Variants in RPAP2 observed in about 807,000 individuals in gnomAD.
RPAP2 encodes the protein RNA polymerase II associated protein 2, also known as putative RNA polymerase II subunit B1 CTD phosphatase RPAP2.
RPAP2 carries 52 observed loss-of-function variants against 73.1 expected under a neutral mutation model. That is an observed-to-expected ratio of 0.71 (90% CI 0.57 to 0.90). The LOEUF (loss-of-function observed/expected upper bound fraction) is 0.90. Ranked by LOEUF, RPAP2 falls within the 40% of genes least tolerant of loss-of-function variation. RPAP2 has a pLI of 0.00. For missense variants in RPAP2, 598 were observed against 701.8 expected, an observed-to-expected ratio of 0.85 and a Z score of 1.67; for synonymous variants, 225 against 242.1, an observed-to-expected ratio of 0.93 and a Z score of 0.65.
At position 92,323,800 on chromosome 1, in the gene RPAP2, A is replaced by G. The variant is rs1652457415; in HGVS notation, c.880A>G (p.Lys294Glu). ...TGCTACATGTGAACTTCCTTTACAG[A>G]AAGTAAATACTCAGAGTTCTTCAAA... ...KDATCELPLQ[K>E]VNTQSSSNST... The change falls in exon 8 of 13, where the codon AAA (lysine) becomes GAA (glutamate). Residue 294 changes from lysine (K) to glutamate (E), a missense_variant. Lys to Glu is a moderately conservative substitution (Grantham distance 56). Around this residue, in one of 3 missense-constraint regions of RPAP2, gnomAD observed 506 missense variants for 612.8 expected, o/e 0.83. Coordinates refer to ENST00000610020, the MANE Select transcript of RPAP2 (RefSeq NM_024813.3). 1 of 1,614,080 alleles carries G rather than the reference A, an allele frequency of 6.2e-7. No individual in the cohort carries two copies. The highest frequency in any genetic ancestry group is 2.2e-5 in the East Asian group (1 of 44,878).
At position 92,324,039 on chromosome 1, in the gene RPAP2, TTTGA is replaced by T. The variant is rs1181222817; in HGVS notation, c.1124_1127del (p.Ile375SerfsTer8). 23 of 1,613,852 alleles carry T rather than the reference TTTGA, an allele frequency of 1.4e-5. No homozygotes were observed. Among genetic ancestry groups the T allele is most frequent in the African/African-American group, 2.7e-5 (2 of 74,860 alleles). ...ACTTACTTAAAGTTTTGAAGGAGAC[TTTGA>T]TTGAGTGGAAGACAGAAGAAACATT... On this transcript the variant is annotated frameshift_variant, in exon 8 of 13. Transcript: ENST00000610020. LOFTEE classifies it high-confidence loss of function.
intron 11 of RPAP2, among the ~76,000 whole-genome samples, chr1:92,377,561 T>C (rs1655439334): frequency 6.7e-6 from 1 of 149,418 alleles, no homozygotes; most frequent in Non-Finnish European, 1.5e-5. Context: ...GTGTACATAG[T>C]TCCTCTAGGG....
chr1:92,336,195 T>TAAAAA, intron 9 of RPAP2, 152 bp from the exon 10 acceptor site: 1 of 613,942 alleles, frequency 1.6e-6, no homozygotes. Flanking sequence ...CCTTATGAGT[T>TAAAAA]CTCACCAATC....
chr1:92,366,435 C>T (rs948069095), intron 11 of RPAP2, among the ~76,000 whole-genome samples: 10 of 152,136 alleles, frequency 6.6e-5, no homozygotes, highest in Admixed American at 5.9e-4. Context: ...AAGTAGTTAC[C>T]TATGCATGTG....
chr1:92,364,811 A>G (rs1415641080), intron 11 of RPAP2, among the ~76,000 whole-genome samples: 1 of 152,086 alleles, frequency 6.6e-6, no homozygotes, highest in Non-Finnish European at 1.5e-5. Context: ...TCTTCATTCA[A>G]CTAGTCCATC....
chr1:92,376,526 CTATT>C (rs1290581578), intron 11 of RPAP2, among the ~76,000 whole-genome samples: 1 of 152,158 alleles, frequency 6.6e-6, no homozygotes, highest in Non-Finnish European at 1.5e-5. Flanking sequence ...GGATTGCTAT[CTATT>C]TGTTTGATGA....
chr1:92,400,467 G>GT lies in RPAP2; in HGVS notation c.*13457dup, dbSNP rs1017521498. ...CCAGAGTATCTGGGACTATAGGCAC[G>GT]TACCACCATACCCAGCTAATATTTT... is the stretch of plus-strand genomic sequence containing the variant. On this transcript the variant is annotated 3_prime_UTR_variant, in exon 13 of 13. Coordinates refer to ENST00000610020, the MANE Select transcript of RPAP2 (RefSeq NM_024813.3). 2.0e-5 allele frequency: 3 copies of GT among 152,074 alleles called. No homozygotes were observed. Among genetic ancestry groups the GT allele is most frequent in the African/African-American group, 7.3e-5 (3 of 41,352 alleles). 9.4% of individuals were successfully genotyped at this position (152,074 alleles called of 1,614,324 possible).
intron 12 of RPAP2, 103 bp downstream of exon 12, chr1:92,380,976 C>T: frequency 3.2e-6 from 3 of 929,844 alleles, no homozygotes; most frequent in Non-Finnish European, 4.7e-6. Context: ...GTACAGACCT[C>T]AAGATGCCCT....
chr1:92,378,371 ATTTATTT>A (rs1400764932), intron 11 of RPAP2, among the ~76,000 whole-genome samples: 2 of 152,114 alleles, frequency 1.3e-5, no homozygotes, highest in East Asian at 1.9e-4. Flanking sequence ...CACCAGGCTA[ATTTATTT>A]TTTATTTTTT....
chr1:92,373,404 T>C (rs1655234278), intron 11 of RPAP2, among the ~76,000 whole-genome samples: 2 of 152,242 alleles, frequency 1.3e-5, no homozygotes, highest in South Asian at 2.1e-4. Flanking sequence ...CTGGAAACTT[T>C]TATGAGATAG....
At chr1:92,321,831 C>A (rs1652283562) in intron 7 of RPAP2, among the ~76,000 whole-genome samples, 1 of 151,778 alleles carries the variant, frequency 6.6e-6, no homozygotes, top group South Asian at 2.1e-4. Context: ...CAACAATCAA[C>A]CAGAATTAGA....
chr1:92,300,168 A>G, intron 1 of RPAP2, 26 bp from the exon 2 acceptor site: 6 of 1,552,082 alleles, frequency 3.9e-6, no homozygotes, highest in Non-Finnish European at 5.3e-6. Context: ...GTCATTATGT[A>G]GCACATGACT....
At chr1:92,356,756 A>G (rs1377416912) in intron 11 of RPAP2, among the ~76,000 whole-genome samples, 1 of 151,184 alleles carries the variant, frequency 6.6e-6, no homozygotes, top group Non-Finnish European at 1.5e-5. Flanking sequence ...TTTATTCTCT[A>G]CTTTTTTTGT....
chr1:92,377,338 A>G (rs1655421464), intron 11 of RPAP2, among the ~76,000 whole-genome samples: 2 of 151,822 alleles, frequency 1.3e-5, no homozygotes, highest in Non-Finnish European at 2.9e-5. Context: ...GGCCAACATG[A>G]TGAAACCACT....
intron 10 of RPAP2, among the ~76,000 whole-genome samples, 177 bp downstream of exon 10, chr1:92,336,604 C>G (rs1034073894): frequency 6.6e-6 from 1 of 152,112 alleles, no homozygotes; most frequent in Non-Finnish European, 1.5e-5. Flanking sequence ...TTGAATGCAA[C>G]CTTTATTTGC....
At position 92,333,465 on chromosome 1, in the gene RPAP2, G is replaced by A; in HGVS notation, c.1530G>A (p.Leu510=). The A allele has an allele frequency of 6.2e-7, 1 of 1,611,076 alleles. No homozygotes were observed. The highest frequency in any genetic ancestry group is 8.5e-7 in the Non-Finnish European group (1 of 1,177,422). The change falls in exon 9 of 13, where the codon TTG becomes TTA. Residue 510 remains leucine, a synonymous_variant. Coordinates refer to ENST00000610020, the MANE Select transcript of RPAP2 (RefSeq NM_024813.3). ...QIRKRIVLEK[L]SKVLPGLLVP... ...GAAAACGCATCGTACTTGAAAAGTT[G>A]AGTAAAGTGTAAGTATGTAATTGCC...
chr1:92,380,583 G>C (rs1571149233), intron 11 of RPAP2, 141 bp from the exon 12 acceptor site: 11 of 493,956 alleles, frequency 2.2e-5, no homozygotes, highest in Non-Finnish European at 3.8e-5. Flanking sequence ...GCCTTTGTTA[G>C]TAAAGCCTTC....
intron 11 of RPAP2, among the ~76,000 whole-genome samples, chr1:92,380,043 TGAGGCTGGTGGATC>T (rs1456623963): frequency 6.7e-6 from 1 of 149,982 alleles, no homozygotes; most frequent in Non-Finnish European, 1.5e-5. Flanking sequence ...GTGGATCGCC[TGAGGCTGGTGGATC>T]GCCTGAGGCC....
In RPAP2 at chr1:92,387,895, A is replaced by G. The variant is rs543656460; in HGVS notation, c.*884A>G. The G allele has an allele frequency of 6.6e-6, 1 of 152,344 alleles. No individual in the cohort carries two copies. The highest frequency in any genetic ancestry group is 2.1e-4 in the South Asian group (1 of 4,828). 9.4% of individuals were successfully genotyped at this position (152,344 alleles called of 1,614,324 possible). A position where few individuals can be genotyped will look rare whatever the true frequency, so the allele number is the denominator to read the frequency against. ...ATGGCAGTAGGCCATAGAATTGGCT[A>G]CTGCCATACAATCTCTATGGGAAAG... is the stretch of plus-strand genomic sequence containing the variant. On this transcript the variant is annotated 3_prime_UTR_variant, in exon 13 of 13. Coordinates refer to ENST00000610020, the MANE Select transcript of RPAP2 (RefSeq NM_024813.3).
Sources: allele counts gnomAD v4.1 joint callset (sites outside exome capture counted in the v4.1 genomes callset), GRCh38; gene constraint gnomAD v4.1.1; regional missense constraint gnomAD v4.1.1; transcripts MANE v1.5; gene names NCBI Gene and HGNC (gene_info 2026-07-23, HGNC 2026-07-21).